CACNA1C: variants seen among roughly 807,000 people sequenced by gnomAD.
The protein encoded by CACNA1C is calcium voltage-gated channel subunit alpha1 C, also known as voltage-dependent L-type calcium channel subunit alpha-1C.
In CACNA1C, 30 loss-of-function variants were observed where a neutral mutation model predicts 229.0. The observed-to-expected ratio is 0.13, with a 90% CI of 0.10 to 0.18. The LOEUF (loss-of-function observed/expected upper bound fraction) is 0.18, where lower values mean the gene tolerates loss of function less well. Among genes scored for constraint, CACNA1C ranks in the 10% least tolerant of loss-of-function variants. The pLI, the probability that CACNA1C is intolerant of heterozygous loss-of-function variation, is 1.00. For missense variants in CACNA1C, 1,658 were observed against 2,845.0 expected, an observed-to-expected ratio of 0.58 and a Z score of 9.49; for synonymous variants, 1,114 against 1,132.5, an observed-to-expected ratio of 0.98 and a Z score of 0.33.
intron 1 of CACNA1C, chr12:1,991,132 A>C: frequency 2.2e-6 from 1 of 456,240 alleles, no homozygotes; most frequent in South Asian, 1.5e-5. Context: ...TTTAATTTGC[A>C]TCCATGTTTA....
At chr12:1,995,841 C>A (rs1404789733) in intron 1 of CACNA1C, among the ~76,000 whole-genome samples, 1 of 152,190 alleles carries the variant, frequency 6.6e-6, no homozygotes, top group East Asian at 1.9e-4. Context: ...GTTTCAACTA[C>A]CAAATTACTT....
intron 3 of CACNA1C, among the ~76,000 whole-genome samples, chr12:2,393,809 A>G (rs1395952457): frequency 6.6e-6 from 1 of 152,134 alleles, no homozygotes; most frequent in Non-Finnish European, 1.5e-5. Context: ...AATTAGGCTG[A>G]AAAGGGACAC....
chr12:2,528,686 T>C (rs1360901285), intron 9 of CACNA1C, among the ~76,000 whole-genome samples: 1 of 152,206 alleles, frequency 6.6e-6, no homozygotes, highest in Non-Finnish European at 1.5e-5. Context: ...AGAGCAGGTC[T>C]CAGATCCACT....
At chr12:2,106,983 C>T (rs368859493) in intron 1 of CACNA1C, among the ~76,000 whole-genome samples, 12 of 94,142 alleles carry the variant, frequency 1.3e-4, no homozygotes, top group Non-Finnish European at 2.2e-4. Flanking sequence ...GGGTTTCCAC[C>T]TCAGCTGGGG....
At chr12:2,279,415 A>T (rs913664192) in intron 3 of CACNA1C, among the ~76,000 whole-genome samples, 5 of 152,222 alleles carry the variant, frequency 3.3e-5, no homozygotes, top group African/African-American at 1.2e-4. Flanking sequence ...GACCTTCTGC[A>T]TTTCCATATG....
intron 14 of CACNA1C, 132 bp from the exon 15 acceptor site, chr12:2,582,690 G>C (rs1231725516): frequency 4.5e-6 from 4 of 885,162 alleles, no homozygotes; most frequent in Non-Finnish European, 5.3e-6. Context: ...AGAATTGGGG[G>C]CCAGGAGGAG....
rs777068679 is a variant in CACNA1C, at chr12:2,504,352, C to G, written c.1114-490C>G. ...CCACGTTCAGCCCCGTCTGTCCCCTCCCAATCTGCTCACACCTGCTGCCTG... is the reference window on the plus strand; with the variant it reads ...CCACGTTCAGCCCCGTCTGTCCCCTGCCAATCTGCTCACACCTGCTGCCTG... On this transcript the variant is annotated intron_variant, in intron 7 of 46. Coordinates refer to ENST00000399655, the MANE Select transcript of CACNA1C (RefSeq NM_000719.7). This position sits in a 1 kb window ranked among gnomAD's most constrained non-coding sequence, Gnocchi z 6.8. 4 of 779,028 alleles carry G rather than the reference C, an allele frequency of 5.1e-6. No individual in the cohort carries two copies. The highest frequency in any genetic ancestry group is 9.2e-6 in the Non-Finnish European group (4 of 432,848). 48.3% of individuals were successfully genotyped at this position (779,028 alleles called of 1,614,324 possible).
At chr12:2,277,740 A>G (rs2089420798) in intron 3 of CACNA1C, among the ~76,000 whole-genome samples, 1 of 152,200 alleles carries the variant, frequency 6.6e-6, no homozygotes, top group Non-Finnish European at 1.5e-5. Flanking sequence ...TCTACCTCAC[A>G]GGAGATGGCT....
At chr12:2,221,429 G>A (rs566895104) in intron 3 of CACNA1C, among the ~76,000 whole-genome samples, 1 of 152,316 alleles carries the variant, frequency 6.6e-6, no homozygotes, top group African/African-American at 2.4e-5. Context: ...AATTTGGCCA[G>A]TGGGATGAAT....
chr12:2,410,179 C>T lies in CACNA1C; in HGVS notation c.478-38797C>T, dbSNP rs947166718. Among the ~76,000 whole-genome samples the T allele has an allele frequency of 3.3e-5, 5 of 152,232 alleles. No homozygotes were observed. The East Asian group carries it at 5.8e-4, about 18-fold the overall frequency. ...TTCCCACTCCAATCTGCCAGAGGGA[C>T]AGGGTCCTTCCCCGCAGCACTGAGG... On this transcript the variant is annotated intron_variant, in intron 3 of 46. Coordinates refer to ENST00000399655, the MANE Select transcript of CACNA1C (RefSeq NM_000719.7). This position sits in a 1 kb window ranked among gnomAD's most constrained non-coding sequence, Gnocchi z 5.3.
chr12:2,616,541 G>A, intron 29 of CACNA1C, among the ~76,000 whole-genome samples: 1 of 152,226 alleles, frequency 6.6e-6, no homozygotes, highest in East Asian at 1.9e-4. Flanking sequence ...ACCCAGTCCT[G>A]AGCTGGCCCT....
intron 1 of CACNA1C, among the ~76,000 whole-genome samples, chr12:2,112,784 A>G (rs1201335979): frequency 1.3e-5 from 2 of 152,154 alleles, no homozygotes; most frequent in Admixed American, 1.3e-4. Context: ...GGGCAACACT[A>G]ATCTATCATC....
rs1005089778 is a variant in CACNA1C, at chr12:2,472,663, A to C, written c.758-13441A>C. On this transcript the variant is annotated intron_variant, in intron 5 of 46. Coordinates refer to ENST00000399655, the MANE Select transcript of CACNA1C (RefSeq NM_000719.7). ...AGCTGTTTTCAAATCGTTGTCTGCC[A>C]AGTCCAACATCTGAACAATCTCATT... Among the ~76,000 whole-genome samples, 5 of 152,198 alleles carry C rather than the reference A, an allele frequency of 3.3e-5. No individual in the cohort carries two copies. In the South Asian group the frequency reaches 6.2e-4, roughly 19 times the overall value.
At position 2,544,148 on chromosome 12, in the gene CACNA1C, G is replaced by GAAA. The variant is rs796983264; in HGVS notation, c.1391-5782_1391-5780dup. ...TTTGCATGTAGGATTTCTGAGAAGT[G>GAAA]AAAAAAAAAAAAAAACCTGCCGGTT... On this transcript the variant is annotated intron_variant, in intron 9 of 46. Transcript: ENST00000399655. 2.5e-5 allele frequency among the ~76,000 whole-genome samples: 3 copies of GAAA among 121,794 alleles called. 1 individual carries two copies. The allele number at this position is 121,794 out of a possible 152,430, so 79.9% of individuals were successfully genotyped here. A position where few individuals can be genotyped will look rare whatever the true frequency, so the allele number is the denominator to read the frequency against.
chr12:2,057,605 C>T (rs2055651739), intron 1 of CACNA1C, among the ~76,000 whole-genome samples: 1 of 152,174 alleles, frequency 6.6e-6, no homozygotes, highest in Non-Finnish European at 1.5e-5. Context: ...GGACCCAGGT[C>T]CCACAGTGAC....
chr12:2,671,859 C>T (rs182095676), intron 38 of CACNA1C, among the ~76,000 whole-genome samples: 7 of 150,616 alleles, frequency 4.6e-5, no homozygotes, highest in East Asian at 3.9e-4. Flanking sequence ...GGGCCCGAAA[C>T]GCCCCCACCC....
intron 1 of CACNA1C, among the ~76,000 whole-genome samples, chr12:2,102,081 T>C (rs1242357886): frequency 1.3e-5 from 2 of 152,198 alleles, no homozygotes; most frequent in Non-Finnish European, 1.5e-5. Flanking sequence ...CAAAGGCTCA[T>C]GCTTCCTGGG....
At chr12:2,127,206 G>T (rs1303948072) in intron 3 of CACNA1C, among the ~76,000 whole-genome samples, 1 of 152,142 alleles carries the variant, frequency 6.6e-6, no homozygotes, top group Non-Finnish European at 1.5e-5. Context: ...ACACAGTGCT[G>T]GGTTGAATCA....
chr12:2,383,014 A>T (rs1236059716), intron 3 of CACNA1C, among the ~76,000 whole-genome samples: 2 of 152,070 alleles, frequency 1.3e-5, no homozygotes, highest in African/African-American at 4.8e-5. Context: ...GTGTTCCCTA[A>T]TGCACTCTAG....
Sources: allele counts gnomAD v4.1 joint callset (sites outside exome capture counted in the v4.1 genomes callset), GRCh38; gene constraint gnomAD v4.1.1; non-coding constraint Gnocchi (gnomAD v3.1); transcripts MANE v1.5; gene names NCBI Gene and HGNC (gene_info 2026-07-23, HGNC 2026-07-21).